Variants in MAGI2 observed in about 807,000 individuals in gnomAD.
The protein encoded by MAGI2 is membrane associated guanylate kinase, WW and PDZ domain containing 2.
In MAGI2, 35 loss-of-function variants were observed where a neutral mutation model predicts 133.3. The ratio of observed to expected loss-of-function variants is 0.26; its 90% CI spans 0.20 to 0.35. MAGI2 has a LOEUF of 0.35. Among genes scored for constraint, MAGI2 ranks in the 10% least tolerant of loss-of-function variants. The probability of loss-of-function intolerance (pLI) is 1.00; values close to 1 mark genes in which losing one functional copy is unlikely to be tolerated. For missense variants in MAGI2, 1,636 were observed against 1,863.4 expected, an observed-to-expected ratio of 0.88 and a Z score of 2.25; for synonymous variants, 729 against 710.6, an observed-to-expected ratio of 1.03 and a Z score of -0.41.
At chr7:78,377,305 G>T (rs536093423) in intron 6 of MAGI2, among the ~76,000 whole-genome samples, 1 of 152,086 alleles carries the variant, frequency 6.6e-6, no homozygotes, top group African/African-American at 2.4e-5. Flanking sequence ...TGCCAGAGTG[G>T]AGACTGTGCA....
intron 6 of MAGI2, among the ~76,000 whole-genome samples, chr7:78,433,866 C>T (rs575350856): frequency 2.0e-5 from 3 of 152,224 alleles, no homozygotes; most frequent in African/African-American, 7.2e-5. Flanking sequence ...GGATATTTTA[C>T]ATTTTAGGGT....
intron 2 of MAGI2, among the ~76,000 whole-genome samples, chr7:78,802,977 G>GC (rs1554575447): frequency 1.3e-5 from 2 of 149,182 alleles, no homozygotes; most frequent in Non-Finnish European, 3.0e-5. Flanking sequence ...ATGCCTTGGA[G>GC]TTTTTTTCAA....
At chr7:78,705,337 T>C (rs1818532291) in intron 2 of MAGI2, among the ~76,000 whole-genome samples, 1 of 152,104 alleles carries the variant, frequency 6.6e-6, no homozygotes, top group Admixed American at 6.6e-5. Context: ...GTTTCCTCTT[T>C]GCCTTGTGCC....
chr7:78,657,205 G>C (rs938941858), intron 2 of MAGI2, among the ~76,000 whole-genome samples: 1 of 152,176 alleles, frequency 6.6e-6, no homozygotes, highest in Non-Finnish European at 1.5e-5. Flanking sequence ...GGAGTAAAAG[G>C]AACTCTTATT....
rs35269793 is a variant in MAGI2, at chr7:79,306,820, A to ATT, written c.301+146198_301+146199dup. Among the ~76,000 whole-genome samples the ATT allele has an allele frequency of 2.1e-3, 309 of 147,612 alleles. 3 individuals carry two copies. The highest frequency in any genetic ancestry group is 6.2e-3 in the African/African-American group (250 of 40,528). On this transcript the variant is annotated intron_variant, in intron 1 of 21. Coordinates refer to ENST00000354212, the MANE Select transcript of MAGI2 (RefSeq NM_012301.4). ...AATGCTTTCCTTTGATTTCTGAAGA[A>ATT]TTTTTTTTTTTTGAGATGGAGTCTA... is the stretch of plus-strand genomic sequence containing the variant.
intron 21 of MAGI2, among the ~76,000 whole-genome samples, chr7:78,075,802 GAA>G (rs1815226560): frequency 6.6e-6 from 1 of 152,166 alleles, no homozygotes; most frequent in African/African-American, 2.4e-5. Flanking sequence ...CAGTCACTAT[GAA>G]ATTCCAGAAA....
chr7:79,365,867 CAAAAAAAAAA>C (rs71095399), intron 1 of MAGI2, among the ~76,000 whole-genome samples: 2 of 48,874 alleles, frequency 4.1e-5, no homozygotes, highest in Non-Finnish European at 3.5e-5. Context: ...ACTCTTGTCT[CAAAAAAAAAA>C]AAAAAAAAAA....
chr7:78,410,839 T>C (rs571438801), intron 6 of MAGI2, among the ~76,000 whole-genome samples: 8 of 151,764 alleles, frequency 5.3e-5, no homozygotes, highest in Non-Finnish European at 1.2e-4. Context: ...TCAAAGATAA[T>C]AAAAATCAAA....
intron 9 of MAGI2, among the ~76,000 whole-genome samples, chr7:78,330,418 C>A (rs1789048799): frequency 4.9e-5 from 2 of 40,692 alleles, no homozygotes; most frequent in South Asian, 8.5e-4. Context: ...GAGATCGAGA[C>A]CATCCTGGCT....
chr7:78,503,408 T>C (rs1294853324), intron 4 of MAGI2, among the ~76,000 whole-genome samples: 2 of 151,948 alleles, frequency 1.3e-5, no homozygotes, highest in Admixed American at 1.3e-4. Context: ...TGAATTGTAA[T>C]CCCCACATGT....
chr7:78,422,580 C>CAAAA (rs11441295), intron 6 of MAGI2, among the ~76,000 whole-genome samples: 3 of 112,886 alleles, frequency 2.7e-5, no homozygotes, highest in African/African-American at 5.7e-5. Context: ...TGTGTAAAGG[C>CAAAA]AAAAAAAAAA....
chr7:78,517,223 C>A (rs1450005153), intron 4 of MAGI2, among the ~76,000 whole-genome samples: 1 of 139,494 alleles, frequency 7.2e-6, no homozygotes, highest in Non-Finnish European at 1.7e-5. Flanking sequence ...GGTTCAAAAA[C>A]AATCTGTAAG....
chr7:78,431,909 A>G (rs1014769038), intron 6 of MAGI2, among the ~76,000 whole-genome samples: 8 of 152,080 alleles, frequency 5.3e-5, no homozygotes, highest in Admixed American at 1.3e-4. Context: ...GAGTTTTGGC[A>G]TCATGTAGAT....
At chr7:79,379,859 G>T (rs1843659779) in intron 1 of MAGI2, among the ~76,000 whole-genome samples, 1 of 150,586 alleles carries the variant, frequency 6.6e-6, no homozygotes, top group African/African-American at 2.4e-5. Context: ...TTGTTGATGG[G>T]GTTGTTTGTT....
chr7:78,907,380 CAT>C (rs1798067076), intron 2 of MAGI2, among the ~76,000 whole-genome samples: 1 of 152,138 alleles, frequency 6.6e-6, no homozygotes, highest in Non-Finnish European at 1.5e-5. Context: ...CTGGGGTACA[CAT>C]GTTTAATTTT....
At chr7:78,773,915 T>G (rs1825785734) in intron 2 of MAGI2, among the ~76,000 whole-genome samples, 1 of 152,234 alleles carries the variant, frequency 6.6e-6, no homozygotes, top group Admixed American at 6.5e-5. Flanking sequence ...GAAGGGCAGA[T>G]GACAGCAGTG....
intron 2 of MAGI2, among the ~76,000 whole-genome samples, chr7:78,998,716 C>T (rs746586275): frequency 6.6e-6 from 1 of 152,048 alleles, no homozygotes; most frequent in Non-Finnish European, 1.5e-5. Flanking sequence ...AATTGATCAC[C>T]CTAATATAAA....
intron 2 of MAGI2, among the ~76,000 whole-genome samples, chr7:78,793,057 G>A (rs994885922): frequency 5.9e-5 from 9 of 152,194 alleles, no homozygotes; most frequent in African/African-American, 1.7e-4. Context: ...ATGTATAAGC[G>A]TGGAAGTAAA....
intron 5 of MAGI2, among the ~76,000 whole-genome samples, chr7:78,493,369 C>T (rs771361319): frequency 6.6e-6 from 1 of 152,172 alleles, no homozygotes; most frequent in Non-Finnish European, 1.5e-5. Flanking sequence ...GTGCAGCACA[C>T]CATTGCAGAG....
Sources: gnomAD v4.1 joint callset for allele counts (sites outside exome capture counted in the v4.1 genomes callset) on GRCh38, gnomAD v4.1.1 for gene constraint, MANE v1.5 for transcripts, NCBI Gene and HGNC (gene_info 2026-07-23, HGNC 2026-07-21) for gene names.